Variants in UGGT1 observed in about 807,000 individuals in gnomAD.
UGGT1 encodes UDP-glucose:glycoprotein glucosyltransferase 1.
UGGT1 carries 107 observed loss-of-function variants against 203.9 expected under a neutral mutation model. The observed-to-expected ratio is 0.52, with a 90% CI of 0.45 to 0.62. The LOEUF (loss-of-function observed/expected upper bound fraction) is 0.62. Ranked by LOEUF, UGGT1 falls within the 20% of genes least tolerant of loss-of-function variation. The pLI is 0.00. For synonymous variants in UGGT1, 628 were observed against 653.5 expected (o/e 0.96, Z 0.59); for missense variants, 1,673 against 1,867.2 (o/e 0.90, Z 1.92).
chr2:128,136,818 A>T (rs1402545583), intron 15 of UGGT1, among the ~76,000 whole-genome samples: 3 of 152,186 alleles, frequency 2.0e-5, no homozygotes, highest in Non-Finnish European at 4.4e-5. Context: ...ACCATTTTGC[A>T]TTTCCACCAG....
Position 128,188,581 on chromosome 2 carries a change from G to A in UGGT1, c.4642+967G>A, listed in dbSNP as rs536488114. ...TCACGTAATAATTGTACATATTTGT[G>A]GAGTCCATAGTGATGTTTTGGTATG... is the stretch of plus-strand genomic sequence containing the variant. On this transcript the variant is annotated intron_variant, in intron 40 of 40. Coordinates refer to ENST00000259253, the MANE Select transcript of UGGT1 (RefSeq NM_020120.4). 5.9e-5 allele frequency among the ~76,000 whole-genome samples: 9 copies of A among 152,268 alleles called. No individual in the cohort carries two copies. In the East Asian group the frequency reaches 1.5e-3, roughly 26 times the overall value.
At chr2:128,109,504 GAGCT>G in intron 4 of UGGT1, 126 bp from the exon 5 acceptor site, 1 of 727,808 alleles carries the variant, frequency 1.4e-6, no homozygotes, top group Non-Finnish European at 2.3e-6. Flanking sequence ...TTACAGGCAC[GAGCT>G]ACCACACTCA....
rs1466118406 is a variant in UGGT1 at position 128,095,341 on chromosome 2, T to TTCTTCTTCTTCTCCTTCC, written c.59-2076_59-2059dup. 4.7e-3 allele frequency among the ~76,000 whole-genome samples: 711 copies of TTCTTCTTCTTCTCCTTCC among 150,430 alleles called. 10 individuals carry two copies. The highest frequency in any genetic ancestry group is 0.016 in the African/African-American group (624 of 40,048). On this transcript the variant is annotated intron_variant, in intron 1 of 40. Transcript: ENST00000259253. ...AGTGTTTTTATTTATAAGTGGGATG[T>TTCTTCTTCTTCTCCTTCC]TCTTCTTCTTCTCCTTCCTCTTCTT...
intron 40 of UGGT1, 113 bp downstream of exon 40, chr2:128,187,727 C>T (rs1203005045): frequency 5.9e-6 from 7 of 1,195,856 alleles, no homozygotes; most frequent in Non-Finnish European, 5.6e-6. Context: ...CCTATTAATC[C>T]TTCCATTCTA....
Position 128,154,060 on chromosome 2 carries a change from T to TATATACACAC in UGGT1, c.2137+1157_2137+1158insTATACACACA, listed in dbSNP as rs147214333. Among the ~76,000 whole-genome samples, 32 of 149,796 alleles carry TATATACACAC rather than the reference T, an allele frequency of 2.1e-4. 1 individual carries two copies. The highest frequency in any genetic ancestry group is 9.8e-5 in the African/African-American group (4 of 40,632). On this transcript the variant is annotated intron_variant, in intron 19 of 40. Transcript: ENST00000259253. ...GGTAGAGGAAAAATACATGTATATA[T>TATATACACAC]ACACACACACACACACACACACACA...
chr2:128,107,788 T>G, intron 3 of UGGT1, 150 bp from the exon 4 acceptor site: 1 of 1,051,076 alleles, frequency 9.5e-7, no homozygotes, highest in Non-Finnish European at 1.4e-6. Flanking sequence ...CTCCAGGGAG[T>G]TTTAAGCATT....
chr2:128,159,987 T>C (rs950639691), intron 23 of UGGT1, among the ~76,000 whole-genome samples: 1 of 152,186 alleles, frequency 6.6e-6, no homozygotes, highest in Non-Finnish European at 1.5e-5. Context: ...GGCTTATTTA[T>C]AGAGCAAAAA....
At chr2:128,167,619 G>C (rs983214328) in intron 26 of UGGT1, among the ~76,000 whole-genome samples, 5 of 152,128 alleles carry the variant, frequency 3.3e-5, no homozygotes, top group African/African-American at 1.2e-4. Flanking sequence ...AGTATTCGTT[G>C]ACATTTACTC....
intron 1 of UGGT1, among the ~76,000 whole-genome samples, chr2:128,096,667 A>G (rs1687129490): frequency 6.6e-6 from 1 of 152,220 alleles, no homozygotes; most frequent in South Asian, 2.1e-4. Flanking sequence ...TAAAGACTGT[A>G]TTTACAAATA....
At chr2:128,143,825 G>T (rs72975918) in intron 17 of UGGT1, among the ~76,000 whole-genome samples, 1 of 151,674 alleles carries the variant, frequency 6.6e-6, no homozygotes, top group South Asian at 2.1e-4. Flanking sequence ...TGACTAATGA[G>T]ATTTTTTTTT....
At position 128,117,302 on chromosome 2, in the gene UGGT1, C is replaced by T. The variant is rs1222440396; in HGVS notation, c.872+959C>T. Among the ~76,000 whole-genome samples the T allele has an allele frequency of 2.0e-5, 3 of 152,256 alleles. No homozygotes were observed. In the East Asian group the frequency reaches 5.8e-4, roughly 30 times the overall value. ...ACGGGGTTTCACCATGTTGGCCAGG[C>T]TGGTCTTGAACTCCTGGCCTCAAGT... On this transcript the variant is annotated intron_variant, in intron 8 of 40. Transcript: ENST00000259253.
At chr2:128,176,372 A>G (rs1691375353) in intron 31 of UGGT1, among the ~76,000 whole-genome samples, 1 of 145,366 alleles carries the variant, frequency 6.9e-6, no homozygotes, top group South Asian at 2.2e-4. Context: ...AGATTGCTCT[A>G]CTGCACTCCA....
intron 35 of UGGT1, among the ~76,000 whole-genome samples, 188 bp downstream of exon 35, chr2:128,180,058 GT>G (rs1234355359): frequency 6.6e-6 from 1 of 152,156 alleles, no homozygotes; most frequent in Non-Finnish European, 1.5e-5. Flanking sequence ...GTTAAATTGT[GT>G]TTAAAAACTT....
intron 6 of UGGT1, among the ~76,000 whole-genome samples, chr2:128,113,490 A>T (rs1206764509): frequency 6.6e-6 from 1 of 152,214 alleles, no homozygotes; most frequent in East Asian, 1.9e-4. Context: ...TTTACATTTT[A>T]TTTCAAAATG....
chr2:128,167,495 G>C (rs1404159509), intron 26 of UGGT1, among the ~76,000 whole-genome samples: 2 of 152,142 alleles, frequency 1.3e-5, no homozygotes, highest in East Asian at 3.8e-4. Flanking sequence ...GACATTGTCT[G>C]GGAGCCTGTT....
chr2:128,179,742 TA>T, intron 34 of UGGT1, 43 bp from the exon 35 acceptor site: 1 of 1,529,012 alleles, frequency 6.5e-7, no homozygotes, highest in South Asian at 1.1e-5. Context: ...TGAGGTTAAA[TA>T]ACATTGGAAA....
Position 128,172,563 on chromosome 2 carries a change from T to C in UGGT1, c.3105-10T>C, listed in dbSNP as rs1246623928. The C allele has an allele frequency of 1.2e-6, 2 of 1,613,834 alleles. No homozygotes were observed. Among genetic ancestry groups the C allele is most frequent in the South Asian group, 1.1e-5 (1 of 91,058 alleles). The stretch of plus-strand genomic sequence containing the variant: ...CGAAAATTATCTAACACTTTCCTTT[T>C]CAATTTCAGCTTTTACCGTTATGTC... On this transcript the variant is annotated splice_polypyrimidine_tract_variant and intron_variant, in intron 28 of 40. Transcript: ENST00000259253.
rs1303041754 is a variant in UGGT1, at chr2:128,091,240, C to T, written c.-118C>T. 1.7e-6 allele frequency: 2 copies of T among 1,167,258 alleles called. No homozygotes were observed. Among genetic ancestry groups the T allele is most frequent in the African/African-American group, 1.6e-5 (1 of 61,886 alleles). 72.3% of individuals were successfully genotyped at this position (1,167,258 alleles called of 1,614,324 possible). A position where few individuals can be genotyped will look rare whatever the true frequency, so the allele number is the denominator to read the frequency against. ...TTGCGAGGCTGGGTGTTGAGTCGAG[C>T]CGCGGGAAAGGCGCGTGTCGGCCTC... On this transcript the variant is annotated 5_prime_UTR_variant, in exon 1 of 41. Coordinates refer to ENST00000259253, the MANE Select transcript of UGGT1 (RefSeq NM_020120.4).
At chr2:128,141,827 C>A (rs1394483717) in intron 16 of UGGT1, among the ~76,000 whole-genome samples, 1 of 151,086 alleles carries the variant, frequency 6.6e-6, no homozygotes. Flanking sequence ...AAAAAAAAAT[C>A]AAATAAATAA....
Sources: allele counts gnomAD v4.1 joint callset (sites outside exome capture counted in the v4.1 genomes callset), GRCh38; gene constraint gnomAD v4.1.1; transcripts MANE v1.5; gene names NCBI Gene and HGNC (gene_info 2026-07-23, HGNC 2026-07-21).